The following IKZF1 variants were observed in gnomAD, a reference collection of about 807,000 sequenced individuals.
The protein encoded by IKZF1 is IKAROS family zinc finger 1.
Under a neutral mutation model 51.7 loss-of-function variants are expected in IKZF1, and 10 were observed. The ratio of observed to expected loss-of-function variants is 0.19; its 90% CI spans 0.12 to 0.33. IKZF1 has a LOEUF of 0.33. Ranked by LOEUF, IKZF1 falls within the 10% of genes least tolerant of loss-of-function variation. The pLI is 1.00. For missense variants in IKZF1, 484 were observed against 707.5 expected, an observed-to-expected ratio of 0.68 and a Z score of 3.58; for synonymous variants, 280 against 282.3, an observed-to-expected ratio of 0.99 and a Z score of 0.08.
chr7:50,340,433 C>T (rs2153414864), intron 3 of IKZF1, among the ~76,000 whole-genome samples: 1 of 152,210 alleles, frequency 6.6e-6, no homozygotes, highest in East Asian at 1.9e-4. Context: ...CCTCACCAGG[C>T]TGGGTGTGAT....
chr7:50,396,813 C>T (rs977075160), intron 7 of IKZF1, among the ~76,000 whole-genome samples: 2 of 152,200 alleles, frequency 1.3e-5, no homozygotes, highest in African/African-American at 4.8e-5. Flanking sequence ...CTCTCTCTCC[C>T]TCATCTGAAA....
At position 50,376,921 on chromosome 7, in the gene IKZF1, G is replaced by A; in HGVS notation, c.421+128G>A. ...TTGACTGGTAGCTCAGTTGTTGCAA[G>A]CGATTGGTTCCAAGTGGTACCGAGT... On this transcript the variant is annotated intron_variant, in intron 4 of 7. Coordinates refer to ENST00000331340, the MANE Select transcript of IKZF1 (RefSeq NM_006060.6). This position sits in a 1 kb window ranked among gnomAD's most constrained non-coding sequence, Gnocchi z 4.5. 1.2e-5 allele frequency: 17 copies of A among 1,456,922 alleles called. No individual in the cohort carries two copies. Among genetic ancestry groups the A allele is most frequent in the Non-Finnish European group, 1.5e-5 (16 of 1,096,174 alleles). 90.2% of individuals were successfully genotyped at this position (1,456,922 alleles called of 1,614,324 possible).
intron 3 of IKZF1, among the ~76,000 whole-genome samples, chr7:50,373,904 C>CTGGCAG (rs2153463344): frequency 6.6e-6 from 1 of 152,308 alleles, no homozygotes; most frequent in African/African-American, 2.4e-5. Flanking sequence ...TATCTTGTCC[C>CTGGCAG]TGGCAGTGGG....
chr7:50,367,974 A>G, intron 3 of IKZF1: 2 of 661,242 alleles, frequency 3.0e-6, no homozygotes, highest in Non-Finnish European at 5.5e-6. Context: ...TGGTATCACA[A>G]CCCAGCTTTC....
At chr7:50,315,582 G>A (rs1791348882) in intron 1 of IKZF1, among the ~76,000 whole-genome samples, 1 of 152,212 alleles carries the variant, frequency 6.6e-6, no homozygotes, top group Non-Finnish European at 1.5e-5. Context: ...TGCTGATATT[G>A]TTGTATTTTT....
chr7:50,355,443 G>A (rs564439371), intron 3 of IKZF1, among the ~76,000 whole-genome samples: 11 of 152,236 alleles, frequency 7.2e-5, no homozygotes, highest in African/African-American at 2.4e-4. Flanking sequence ...GATGGGAGGC[G>A]AGAGCACAAG....
intron 4 of IKZF1, among the ~76,000 whole-genome samples, chr7:50,378,417 C>A (rs999053765): frequency 1.3e-5 from 2 of 152,198 alleles, no homozygotes; most frequent in Non-Finnish European, 2.9e-5. Flanking sequence ...AGGTAGGCTA[C>A]CCTGTGATAG....
In IKZF1 at chr7:50,376,007, A is replaced by C. The variant is rs1810180527; in HGVS notation, c.161-526A>C. Among the ~76,000 whole-genome samples, 1 of 152,226 alleles carries C rather than the reference A, an allele frequency of 6.6e-6. No individual in the cohort carries two copies. The highest frequency in any genetic ancestry group is 1.5e-5 in the Non-Finnish European group (1 of 68,044). ...ACTGAGTTTTGTCCCAAAGTTTATT[A>C]ATGTTTACATGCCACAAGGAAAGGT... On this transcript the variant is annotated intron_variant, in intron 3 of 7. Coordinates refer to ENST00000331340, the MANE Select transcript of IKZF1 (RefSeq NM_006060.6). The surrounding 1 kb of genome is among the most constrained non-coding windows in gnomAD (Gnocchi z 4.5).
chr7:50,380,880 T>G (rs993055463), intron 4 of IKZF1, among the ~76,000 whole-genome samples: 2 of 152,240 alleles, frequency 1.3e-5, no homozygotes, highest in African/African-American at 4.8e-5. Context: ...CAGTATTGAT[T>G]TACATGCATC....
At chr7:50,339,208 G>T (rs1798472754) in intron 3 of IKZF1, among the ~76,000 whole-genome samples, 1 of 130,318 alleles carries the variant, frequency 7.7e-6, no homozygotes, top group South Asian at 2.8e-4. Flanking sequence ...AATTCTTTTG[G>T]GTAGGGTTGT....
intron 1 of IKZF1, among the ~76,000 whole-genome samples, chr7:50,309,533 A>G (rs539079594): frequency 1.6e-4 from 24 of 152,314 alleles, no homozygotes; most frequent in African/African-American, 5.5e-4. Context: ...AGAACTGTGT[A>G]AAGTGTTTTT....
chr7:50,326,489 G>C (rs928806909), intron 2 of IKZF1, among the ~76,000 whole-genome samples: 6 of 152,174 alleles, frequency 3.9e-5, no homozygotes, highest in African/African-American at 1.2e-4. Context: ...AGTTAGATTT[G>C]GAAGGGCGGA....
intron 1 of IKZF1, among the ~76,000 whole-genome samples, chr7:50,313,064 A>T (rs894522973): frequency 6.6e-6 from 1 of 152,258 alleles, no homozygotes; most frequent in Non-Finnish European, 1.5e-5. Flanking sequence ...ACGAAAACCT[A>T]TAAGGTCTCT....
intron 3 of IKZF1, among the ~76,000 whole-genome samples, chr7:50,329,235 G>C (rs1029565946): frequency 6.6e-6 from 1 of 151,794 alleles, no homozygotes; most frequent in Non-Finnish European, 1.5e-5. Flanking sequence ...GCCATTTGGT[G>C]TAGATGAATC....
In IKZF1 at chr7:50,376,912, T is replaced by C; in HGVS notation, c.421+119T>C. ...TGTTTCTAATTGACTGGTAGCTCAG[T>C]TGTTGCAAGCGATTGGTTCCAAGTG... On this transcript the variant is annotated intron_variant, in intron 4 of 7. Coordinates refer to ENST00000331340, the MANE Select transcript of IKZF1 (RefSeq NM_006060.6). The surrounding 1 kb of genome is among the most constrained non-coding windows in gnomAD (Gnocchi z 4.5). 3.4e-6 allele frequency: 5 copies of C among 1,473,204 alleles called. No homozygotes were observed. The South Asian group carries it at 7.1e-5, about 21-fold the overall frequency. The allele number at this position is 1,473,204 out of a possible 1,614,324, so 91.3% of individuals were successfully genotyped here. A position where few individuals can be genotyped will look rare whatever the true frequency, so the allele number is the denominator to read the frequency against.
intron 1 of IKZF1, among the ~76,000 whole-genome samples, chr7:50,317,540 G>T (rs1302273520): frequency 6.6e-6 from 1 of 152,088 alleles, no homozygotes; most frequent in Non-Finnish European, 1.5e-5. Context: ...TGGCTTCCGT[G>T]TGCTGGTGGA....
intron 5 of IKZF1, 75 bp from the exon 6 acceptor site, chr7:50,387,270 T>G: frequency 6.7e-7 from 1 of 1,493,620 alleles, no homozygotes; most frequent in Non-Finnish European, 9.0e-7. Flanking sequence ...TGGTAATAAT[T>G]GTATTGCATG....
intron 3 of IKZF1, among the ~76,000 whole-genome samples, chr7:50,375,256 C>CA (rs1181704844): frequency 2.0e-5 from 3 of 152,040 alleles, no homozygotes; most frequent in Non-Finnish European, 1.5e-5. Flanking sequence ...CCCATCTCTA[C>CA]AAAAAACACC....
chr7:50,368,964 T>C (rs1807835834), intron 3 of IKZF1: 1 of 222,198 alleles, frequency 4.5e-6, no homozygotes, highest in Non-Finnish European at 9.0e-6. Context: ...CTATCTGGTG[T>C]CTAAGGAATT....
Sources: gnomAD v4.1 joint callset for allele counts (sites outside exome capture counted in the v4.1 genomes callset) on GRCh38, gnomAD v4.1.1 for gene constraint, Gnocchi (gnomAD v3.1) non-coding constraint, MANE v1.5 for transcripts, NCBI Gene and HGNC (gene_info 2026-07-23, HGNC 2026-07-21) for gene names.